TRIM14: variants seen among roughly 807,000 people sequenced by gnomAD.
TRIM14 encodes tripartite motif containing 14.
In TRIM14, 28 loss-of-function variants were observed where a neutral mutation model predicts 44.5. That is an observed-to-expected ratio of 0.63 (90% CI 0.47 to 0.86). The LOEUF is 0.86. TRIM14 is among the 40% of genes least tolerant of loss of function. TRIM14 has a pLI of 0.00. For synonymous variants in TRIM14, 299 were observed against 269.2 expected (o/e 1.11, Z -1.08); for missense variants, 607 against 611.1 (o/e 0.99, Z 0.07).
chr9:98,102,102 G>A (rs185191448), intron 2 of TRIM14, among the ~76,000 whole-genome samples: 1 of 151,782 alleles, frequency 6.6e-6, no homozygotes, highest in East Asian at 1.9e-4. Context: ...AACGTTCTGA[G>A]AAATAGGGTC....
chr9:98,061,529 C>A, the TRIM14 span, among the ~76,000 whole-genome samples: 1 of 149,482 alleles, frequency 6.7e-6, no homozygotes, highest in Non-Finnish European at 1.5e-5. Context: ...CACCTGTAAT[C>A]CCAGCACTTT....
chr9:98,078,770 G>T lies in TRIM14; in HGVS notation c.*28+8672C>A, dbSNP rs192985437. Among the ~76,000 whole-genome samples, 213 of 150,686 alleles carry T rather than the reference G, an allele frequency of 1.4e-3. 1 individual carries two copies. Among genetic ancestry groups the T allele is most frequent in the Non-Finnish European group, 8.3e-4 (56 of 67,802 alleles). On this transcript the variant is annotated intron_variant, in intron 6 of 6. Coordinates refer to the TRIM14 transcript ENST00000375098. ...GAATCGCTTGAATTCAGGAGGCAGA[G>T]GTTGCAGTGAGCCGAGATTGCACCA...
chr9:98,116,774 G>A (rs1441123617), intron 1 of TRIM14, among the ~76,000 whole-genome samples: 3 of 151,622 alleles, frequency 2.0e-5, no homozygotes. Flanking sequence ...ACCCTGGGAG[G>A]TGGAGGTTGC....
chr9:98,045,809 C>G, the TRIM14 span, among the ~76,000 whole-genome samples: 4 of 152,128 alleles, frequency 2.6e-5, no homozygotes, highest in Admixed American at 2.6e-4. Flanking sequence ...CATTTGTGTC[C>G]ATTGATCTCT....
At chr9:98,068,237 C>T (rs922497771), downstream of TRIM14, among the ~76,000 whole-genome samples, 6 of 152,114 alleles carry the variant, frequency 3.9e-5, no homozygotes, top group African/African-American at 1.4e-4. Context: ...CGGGTTCAAG[C>T]GATTCTCATG....
chr9:98,105,366 G>A (rs765545453), intron 2 of TRIM14, among the ~76,000 whole-genome samples: 1 of 152,188 alleles, frequency 6.6e-6, no homozygotes, highest in African/African-American at 2.4e-5. Flanking sequence ...ATCACTTGAC[G>A]TCAGGAGTTC....
chr9:98,086,462 C>G lies in TRIM14; in HGVS notation c.*1008G>C, dbSNP rs1825779400. 1 of 152,314 alleles carries G rather than the reference C, an allele frequency of 6.6e-6. No homozygotes were observed. The highest frequency in any genetic ancestry group is 1.9e-4 in the East Asian group (1 of 5,204). The allele number at this position is 152,314 out of a possible 1,614,324, so 9.4% of individuals were successfully genotyped here. The stretch of plus-strand genomic sequence containing the variant: ...TAGGCACCTGCTGGTTATTAATTCA[C>G]TGCTTGGGAGGGAAGGGGCTTTCTG... On this transcript the variant is annotated 3_prime_UTR_variant, in exon 6 of 6. Transcript: ENST00000341469.
chr9:98,114,811 G>A (rs1417919565), intron 1 of TRIM14, among the ~76,000 whole-genome samples: 1 of 152,166 alleles, frequency 6.6e-6, no homozygotes, highest in Non-Finnish European at 1.5e-5. Context: ...AAAAACCTGA[G>A]GCATTCATGA....
chr9:98,071,801 G>A (rs1829346913), intron 6 of TRIM14, among the ~76,000 whole-genome samples: 2 of 152,194 alleles, frequency 1.3e-5, no homozygotes, highest in South Asian at 4.1e-4. Flanking sequence ...ACTTGCACCT[G>A]GATTGGGGAC....
intron 4 of TRIM14, 98 bp downstream of exon 4, chr9:98,094,769 G>A (rs530318994): frequency 7.0e-7 from 1 of 1,425,684 alleles, no homozygotes; most frequent in African/African-American, 1.4e-5. Context: ...CCTCAGTGTG[G>A]GAGAGACAGG....
At chr9:98,073,624 AC>A (rs2117881296) in intron 6 of TRIM14, among the ~76,000 whole-genome samples, 1 of 149,354 alleles carries the variant, frequency 6.7e-6, no homozygotes, top group African/African-American at 2.5e-5. Flanking sequence ...AGGATCCAAA[AC>A]CTGAGGGGAG....
the TRIM14 span, chr9:98,056,998 C>T: frequency 6.7e-7 from 1 of 1,493,684 alleles, no homozygotes; most frequent in Non-Finnish European, 8.9e-7. Flanking sequence ...GGGGCGGGGC[C>T]GCGGGGAGCC....
At chr9:98,103,983 A>C (rs138369124) in intron 2 of TRIM14, among the ~76,000 whole-genome samples, 2 of 152,348 alleles carry the variant, frequency 1.3e-5, no homozygotes, top group East Asian at 3.9e-4. Context: ...TCAGGGGGAC[A>C]GCATGTGGTT....
At chr9:98,102,835 TTA>T (rs1826449790) in intron 2 of TRIM14, among the ~76,000 whole-genome samples, 1 of 152,136 alleles carries the variant, frequency 6.6e-6, no homozygotes, top group Admixed American at 6.6e-5. Context: ...ATGGCAAATT[TTA>T]TGTTATGTAT....
chr9:98,095,103 G>C lies in TRIM14; in HGVS notation c.538-74C>G. On this transcript the variant is annotated intron_variant, in intron 3 of 5. Coordinates refer to ENST00000341469, the MANE Select transcript of TRIM14 (RefSeq NM_014788.4). The surrounding 1 kb of genome is among the most constrained non-coding windows in gnomAD (Gnocchi z 4.1). ...ATCCCAGCCTCCTGTGCTGCACCCA[G>C]GAACAAACCCACACCAGCATGCCCA... is the stretch of plus-strand genomic sequence containing the variant. 6.5e-7 allele frequency: 1 copy of C among 1,527,080 alleles called. No homozygotes were observed. The highest frequency in any genetic ancestry group is 8.8e-7 in the Non-Finnish European group (1 of 1,140,944). 94.6% of individuals were successfully genotyped at this position (1,527,080 alleles called of 1,614,324 possible).
chr9:98,060,277 C>G, the TRIM14 span, among the ~76,000 whole-genome samples: 1 of 152,208 alleles, frequency 6.6e-6, no homozygotes, highest in Non-Finnish European at 1.5e-5. Flanking sequence ...GGTCTCCCAT[C>G]TCCAAACAAC....
At chr9:98,077,823 G>A (rs916809802) in intron 6 of TRIM14, among the ~76,000 whole-genome samples, 12 of 152,152 alleles carry the variant, frequency 7.9e-5, no homozygotes, top group African/African-American at 2.7e-4. Context: ...GCTAGAAGTG[G>A]CAGCTCCACA....
intron 6 of TRIM14, among the ~76,000 whole-genome samples, chr9:98,070,574 C>T (rs974569618): frequency 6.6e-6 from 1 of 151,950 alleles, no homozygotes; most frequent in Non-Finnish European, 1.5e-5. Context: ...GTACCCGCCA[C>T]CACACCCGAC....
At chr9:98,059,656 C>T in the TRIM14 span, among the ~76,000 whole-genome samples, 1 of 152,110 alleles carries the variant, frequency 6.6e-6, no homozygotes, top group East Asian at 1.9e-4. Flanking sequence ...TTCAAGCAAT[C>T]CTCCCACCTT....
Sources: gnomAD v4.1 joint callset for allele counts (sites outside exome capture counted in the v4.1 genomes callset) on GRCh38, gnomAD v4.1.1 for gene constraint, Gnocchi (gnomAD v3.1) non-coding constraint, MANE v1.5 for transcripts, NCBI Gene and HGNC (gene_info 2026-07-23, HGNC 2026-07-21) for gene names.